CNTNAP4: variants seen among roughly 807,000 people sequenced by gnomAD.
CNTNAP4 encodes contactin associated protein family member 4.
CNTNAP4 carries 98 observed loss-of-function variants against 148.4 expected under a neutral mutation model. That is an observed-to-expected ratio of 0.66 (90% CI 0.56 to 0.78). The LOEUF (loss-of-function observed/expected upper bound fraction) is 0.78, where lower values mean the gene tolerates loss of function less well. CNTNAP4 is among the 30% of genes least tolerant of loss of function. The probability of loss-of-function intolerance (pLI) is 0.00; values close to 1 mark genes in which losing one functional copy is unlikely to be tolerated. For missense variants in CNTNAP4, 1,935 were observed against 1,565.6 expected (o/e 1.24, Z -3.98); for synonymous variants, 730 against 565.1 (o/e 1.29, Z -4.14).
At chr16:76,482,826 A>G (rs1385853930) in intron 12 of CNTNAP4, among the ~76,000 whole-genome samples, 1 of 152,096 alleles carries the variant, frequency 6.6e-6, no homozygotes, top group East Asian at 1.9e-4. Flanking sequence ...GCCAATGGAA[A>G]TAATATCATC....
chr16:76,495,048 A>T lies in CNTNAP4; in HGVS notation c.2219A>T (p.Asp740Val), dbSNP rs965217616. 2.5e-6 allele frequency: 4 copies of T among 1,613,084 alleles called. No homozygotes were observed. In the African/African-American group the frequency reaches 5.3e-5, roughly 22 times the overall value. The change falls in exon 14 of 24, where the codon GAT becomes GTT. Residue 740 changes from aspartate to valine, a missense_variant. Physicochemically the swap from Asp to Val is radical, Grantham distance 152. Coordinates refer to ENST00000611870, the MANE Select transcript of CNTNAP4 (RefSeq NM_033401.5). ...GATTCTCAGTATTACTGCAATTGTG[A>T]TGCTGACCGGAATGAATGGTGATTT... ...CIDSQYYCNCDADRNEWTNDT... is the reference protein window; with the variant it reads ...CIDSQYYCNCVADRNEWTNDT...
intron 3 of CNTNAP4, among the ~76,000 whole-genome samples, chr16:76,362,504 A>G (rs758544084): frequency 6.6e-6 from 1 of 152,212 alleles, no homozygotes; most frequent in South Asian, 2.1e-4. Flanking sequence ...GACATCACAC[A>G]TCTGATTTCA....
At chr16:76,401,243 A>T (rs569746536) in intron 3 of CNTNAP4, among the ~76,000 whole-genome samples, 22 of 152,176 alleles carry the variant, frequency 1.4e-4, no homozygotes, top group Middle Eastern at 3.4e-3. Context: ...CTCATTGTAG[A>T]GATCTTTTGC....
chr16:76,320,561 G>C (rs1308963487), intron 2 of CNTNAP4, among the ~76,000 whole-genome samples: 1 of 152,114 alleles, frequency 6.6e-6, no homozygotes, highest in East Asian at 1.9e-4. Flanking sequence ...ATAGAGAGAA[G>C]GTTATCTAGA....
chr16:76,287,913 C>T (rs1486374805), intron 1 of CNTNAP4, among the ~76,000 whole-genome samples: 1 of 152,170 alleles, frequency 6.6e-6, no homozygotes, highest in Non-Finnish European at 1.5e-5. Flanking sequence ...GCACATCCAA[C>T]ATTAAGTTGA....
At chr16:76,534,880 G>C (rs779514393) in intron 17 of CNTNAP4, among the ~76,000 whole-genome samples, 1 of 152,186 alleles carries the variant, frequency 6.6e-6, no homozygotes, top group Non-Finnish European at 1.5e-5. Flanking sequence ...ATATGGTTAT[G>C]TATTCAATAA....
chr16:76,475,240 T>A (rs754567425), intron 10 of CNTNAP4, among the ~76,000 whole-genome samples: 3 of 152,230 alleles, frequency 2.0e-5, no homozygotes, highest in Non-Finnish European at 4.4e-5. Context: ...ACATGGTACT[T>A]GCTTTTTAAA....
At chr16:76,361,318 TG>T (rs1252074600) in intron 3 of CNTNAP4, among the ~76,000 whole-genome samples, 2 of 152,172 alleles carry the variant, frequency 1.3e-5, no homozygotes, top group African/African-American at 4.8e-5. Context: ...TCCTATCCCC[TG>T]GCAACCATCA....
intron 1 of CNTNAP4, among the ~76,000 whole-genome samples, chr16:76,307,194 A>C (rs1960566394): frequency 6.6e-6 from 1 of 152,154 alleles, no homozygotes; most frequent in Non-Finnish European, 1.5e-5. Context: ...TATCGTAATT[A>C]ATTTAAATTA....
At chr16:76,529,689 A>C (rs182306594) in intron 17 of CNTNAP4, among the ~76,000 whole-genome samples, 1 of 152,354 alleles carries the variant, frequency 6.6e-6, no homozygotes, top group Admixed American at 6.5e-5. Context: ...GACCCCTGAC[A>C]TAGTCAGAAG....
intron 3 of CNTNAP4, among the ~76,000 whole-genome samples, chr16:76,373,897 C>CAAAAAA (rs71382634): frequency 6.3e-5 from 7 of 111,980 alleles, no homozygotes; most frequent in African/African-American, 9.8e-5. Context: ...CTCCATCTCA[C>CAAAAAA]AAAAAAAAAA....
intron 12 of CNTNAP4, among the ~76,000 whole-genome samples, chr16:76,483,995 A>C (rs13333022): frequency 0.41 from 62,421 of 151,766 alleles, 13,364 homozygotes; most frequent in South Asian, 0.56. Context: ...ATGATAATGA[A>C]ATTATCAATT....
intron 21 of CNTNAP4, among the ~76,000 whole-genome samples, chr16:76,543,274 T>C (rs2084542508): frequency 6.6e-6 from 1 of 152,216 alleles, no homozygotes. Flanking sequence ...CCATAACTTG[T>C]GGTCAAATTT....
chr16:76,541,590 G>T (rs542680319), intron 21 of CNTNAP4, among the ~76,000 whole-genome samples: 2 of 152,202 alleles, frequency 1.3e-5, no homozygotes, highest in South Asian at 4.1e-4. Context: ...GATAGTAAAT[G>T]GAATTTTATT....
intron 2 of CNTNAP4, among the ~76,000 whole-genome samples, chr16:76,331,129 T>C (rs373556987): frequency 7.2e-4 from 110 of 152,190 alleles, no homozygotes; most frequent in Middle Eastern, 3.4e-3. Flanking sequence ...TAGTTGATTT[T>C]TTTTTTTGTG....
At chr16:76,544,783 A>T (rs1343938335) in intron 21 of CNTNAP4, among the ~76,000 whole-genome samples, 1 of 152,226 alleles carries the variant, frequency 6.6e-6, no homozygotes, top group East Asian at 1.9e-4. Context: ...TTTCTATATT[A>T]GATACGGTGG....
At chr16:76,486,273 T>C (rs917056292) in intron 12 of CNTNAP4, among the ~76,000 whole-genome samples, 1 of 151,596 alleles carries the variant, frequency 6.6e-6, no homozygotes, top group African/African-American at 2.4e-5. Context: ...ATGATTCTCA[T>C]ACAGATATGA....
intron 4 of CNTNAP4, among the ~76,000 whole-genome samples, chr16:76,445,402 A>C (rs531189615): frequency 6.6e-6 from 1 of 152,266 alleles, no homozygotes; most frequent in East Asian, 1.9e-4. Flanking sequence ...AATTTTTTTT[A>C]AATCCCAGAA....
At chr16:76,423,105 A>T (rs969156790) in intron 3 of CNTNAP4, among the ~76,000 whole-genome samples, 1 of 152,152 alleles carries the variant, frequency 6.6e-6, no homozygotes, top group Admixed American at 6.6e-5. Context: ...CCTTCACCAG[A>T]CACCGAATCT....
Sources: gnomAD v4.1 joint callset for allele counts (sites outside exome capture counted in the v4.1 genomes callset) on GRCh38, gnomAD v4.1.1 for gene constraint, MANE v1.5 for transcripts, NCBI Gene and HGNC (gene_info 2026-07-23, HGNC 2026-07-21) for gene names.